The following MB21D2 variants were observed in gnomAD, a reference collection of about 807,000 sequenced individuals.
The protein encoded by MB21D2 is Mab-21 domain containing 2, also known as nucleotidyltransferase MB21D2.
A neutral mutation model predicts 33.3 loss-of-function variants in MB21D2; 9 were observed. The observed-to-expected ratio is 0.27, with a 90% confidence interval of 0.16 to 0.47. MB21D2 has a LOEUF of 0.47. MB21D2 is among the 20% of genes least tolerant of loss of function. MB21D2 has a pLI of 0.99. For synonymous variants in MB21D2, 241 were observed against 236.3 expected, an observed-to-expected ratio of 1.02 and a Z score of -0.18; for missense variants, 540 against 624.6, an observed-to-expected ratio of 0.86 and a Z score of 1.44.
At chr3:192,900,454 A>T (rs1258445989) in intron 1 of MB21D2, among the ~76,000 whole-genome samples, 2 of 152,172 alleles carry the variant, frequency 1.3e-5, no homozygotes, top group African/African-American at 4.8e-5. Context: ...TTTAAAAGGG[A>T]CAAGAATGGT....
At chr3:192,860,148 G>T (rs1030673227) in intron 1 of MB21D2, among the ~76,000 whole-genome samples, 1 of 152,178 alleles carries the variant, frequency 6.6e-6, no homozygotes, top group Non-Finnish European at 1.5e-5. Flanking sequence ...CCTCCAAACT[G>T]TGCCCCACAT....
At chr3:192,873,085 G>A (rs185673470) in intron 1 of MB21D2, among the ~76,000 whole-genome samples, 73 of 152,172 alleles carry the variant, frequency 4.8e-4, no homozygotes, top group Admixed American at 2.1e-3. Flanking sequence ...ACCAATGGGC[G>A]TGGAGTCTGC....
intron 1 of MB21D2, among the ~76,000 whole-genome samples, chr3:192,871,566 G>C (rs74984329): frequency 6.6e-6 from 1 of 152,182 alleles, no homozygotes; most frequent in Non-Finnish European, 1.5e-5. Flanking sequence ...CAAAAACCTA[G>C]CCTCGTTTGC....
intron 1 of MB21D2, among the ~76,000 whole-genome samples, chr3:192,815,982 T>C (rs2108614238): frequency 6.6e-6 from 1 of 152,250 alleles, no homozygotes; most frequent in South Asian, 2.1e-4. Flanking sequence ...TGGAGCTGAC[T>C]TGGCAGCCAA....
At chr3:192,859,904 T>C (rs1713001863) in intron 1 of MB21D2, among the ~76,000 whole-genome samples, 2 of 152,182 alleles carry the variant, frequency 1.3e-5, no homozygotes, top group Non-Finnish European at 2.9e-5. Flanking sequence ...GGGGCTGGAA[T>C]AGCACCAACG....
At chr3:192,881,829 C>A (rs553921325) in intron 1 of MB21D2, among the ~76,000 whole-genome samples, 5 of 152,106 alleles carry the variant, frequency 3.3e-5, no homozygotes, top group Non-Finnish European at 7.3e-5. Context: ...CAAAACGAAG[C>A]GGCATCAATG....
chr3:192,810,991 C>T (rs941753909), intron 1 of MB21D2, among the ~76,000 whole-genome samples: 18 of 152,294 alleles, frequency 1.2e-4, no homozygotes, highest in African/African-American at 4.1e-4. Context: ...AGGCAGTCCC[C>T]GAGATGTTCC....
chr3:192,830,407 C>T (rs1423908346), intron 1 of MB21D2, among the ~76,000 whole-genome samples: 1 of 152,116 alleles, frequency 6.6e-6, no homozygotes, highest in Non-Finnish European at 1.5e-5. Flanking sequence ...AAGCTAATTA[C>T]CTCACCATTT....
chr3:192,798,843 C>G lies in MB21D2; in HGVS notation c.1019G>C (p.Cys340Ser). Reference protein sequence around the residue: ...YHLRSMMLWACDRLPANYLAQ... With the variant: ...YHLRSMMLWASDRLPANYLAQ... ...CAAGTAGTTGGCAGGAAGTCTGTCG[C>G]AGGCCCAGAGCATCATGCTCCGCAG... The change falls in exon 2 of 2, where the codon TGC (cysteine) becomes TCC (serine). Residue 340 changes from cysteine (C) to serine (S), a missense_variant. Transcript: ENST00000392452. The surrounding 1 kb of genome is among the most constrained non-coding windows in gnomAD (Gnocchi z 4.8). 1 of 1,612,424 alleles carries G rather than the reference C, an allele frequency of 6.2e-7. No homozygotes were observed. Among genetic ancestry groups the G allele is most frequent in the Non-Finnish European group, 8.5e-7 (1 of 1,179,598 alleles).
chr3:192,915,239 G>A (rs1214914344), intron 1 of MB21D2, among the ~76,000 whole-genome samples: 1 of 151,984 alleles, frequency 6.6e-6, no homozygotes, highest in African/African-American at 2.4e-5. Flanking sequence ...ACAAGCTAGG[G>A]GTCATTAAGA....
chr3:192,912,893 C>T (rs1169770442), intron 1 of MB21D2, among the ~76,000 whole-genome samples: 1 of 152,138 alleles, frequency 6.6e-6, no homozygotes, highest in Non-Finnish European at 1.5e-5. Context: ...ACCATTTCAT[C>T]TTTAAAAAGG....
chr3:192,914,951 G>A (rs1714429676), intron 1 of MB21D2, among the ~76,000 whole-genome samples: 1 of 152,176 alleles, frequency 6.6e-6, no homozygotes, highest in African/African-American at 2.4e-5. Flanking sequence ...GAAGCTGGAG[G>A]GGCTTCAGAC....
intron 1 of MB21D2, among the ~76,000 whole-genome samples, chr3:192,915,183 C>A (rs952707670): frequency 1.3e-5 from 2 of 152,188 alleles, no homozygotes; most frequent in Non-Finnish European, 2.9e-5. Context: ...ACCCTCCACC[C>A]CCCCGCCCTG....
chr3:192,879,457 C>T lies in MB21D2; in HGVS notation c.211+38173G>A, dbSNP rs1054855373. 3.3e-5 allele frequency among the ~76,000 whole-genome samples: 5 copies of T among 152,286 alleles called. No individual in the cohort carries two copies. In the East Asian group the frequency reaches 5.8e-4, roughly 18 times the overall value. On this transcript the variant is annotated intron_variant, in intron 1 of 1. Transcript: ENST00000392452. ...GAGCAAATGCGGTGACTAAAACAAA[C>T]GCCCGCTGGGCCTCAAGGCCTGAAC...
At chr3:192,894,093 C>A (rs1232819700) in intron 1 of MB21D2, among the ~76,000 whole-genome samples, 1 of 151,944 alleles carries the variant, frequency 6.6e-6, no homozygotes, top group Non-Finnish European at 1.5e-5. Context: ...CCTGTTCAAG[C>A]TCTTCTCTCC....
intron 1 of MB21D2, among the ~76,000 whole-genome samples, chr3:192,894,441 G>C (rs2108648463): frequency 6.6e-6 from 1 of 152,212 alleles, no homozygotes; most frequent in South Asian, 2.1e-4. Context: ...GGATTTTTGA[G>C]TAGAACGTGG....
intron 1 of MB21D2, among the ~76,000 whole-genome samples, chr3:192,841,379 G>GT (rs1392937771): frequency 4.6e-5 from 7 of 152,224 alleles, no homozygotes; most frequent in African/African-American, 1.7e-4. Flanking sequence ...ACAAATAAGC[G>GT]TGATGGTTTT....
intron 1 of MB21D2, among the ~76,000 whole-genome samples, chr3:192,805,727 T>C (rs1711646898): frequency 6.6e-6 from 1 of 152,148 alleles, no homozygotes; most frequent in South Asian, 2.1e-4. Context: ...TCCTTATCTA[T>C]TAAAAAACAA....
At chr3:192,872,863 A>G (rs1315490502) in intron 1 of MB21D2, among the ~76,000 whole-genome samples, 2 of 152,176 alleles carry the variant, frequency 1.3e-5, no homozygotes, top group Non-Finnish European at 2.9e-5. Context: ...CACACACATT[A>G]GGGGTGCCAT....
Sources: gnomAD v4.1 joint callset for allele counts (sites outside exome capture counted in the v4.1 genomes callset) on GRCh38, gnomAD v4.1.1 for gene constraint, Gnocchi (gnomAD v3.1) non-coding constraint, MANE v1.5 for transcripts, NCBI Gene and HGNC (gene_info 2026-07-23, HGNC 2026-07-21) for gene names.